L3MBTL4: variants seen among roughly 807,000 people sequenced by gnomAD.
L3MBTL4 encodes the protein lethal(3)malignant brain tumor-like protein 4.
A neutral mutation model predicts 84.5 loss-of-function variants in L3MBTL4; 70 were observed. That is an observed-to-expected ratio of 0.83 (90% CI 0.68 to 1.01). The LOEUF (loss-of-function observed/expected upper bound fraction) is 1.01, where lower values mean the gene tolerates loss of function less well. Ranked by LOEUF, L3MBTL4 falls within the 50% of genes least tolerant of loss-of-function variation. The pLI is 0.00. For synonymous variants in L3MBTL4, 274 were observed against 259.8 expected, an observed-to-expected ratio of 1.05 and a Z score of -0.52; for missense variants, 715 against 754.8, an observed-to-expected ratio of 0.95 and a Z score of 0.62.
At chr18:6,345,794 G>A (rs1022520563) in intron 1 of L3MBTL4, among the ~76,000 whole-genome samples, 5 of 151,824 alleles carry the variant, frequency 3.3e-5, no homozygotes, top group African/African-American at 9.7e-5. Flanking sequence ...AAATTCCAAT[G>A]GCATTTTTCA....
intron 16 of L3MBTL4, among the ~76,000 whole-genome samples, chr18:6,014,086 C>T (rs933425815): frequency 4.6e-5 from 7 of 152,124 alleles, no homozygotes; most frequent in African/African-American, 1.2e-4. Context: ...CTCTGGGCCT[C>T]GATTTTCTCT....
chr18:6,021,031 C>T (rs567485333), intron 16 of L3MBTL4, among the ~76,000 whole-genome samples: 224 of 152,176 alleles, frequency 1.5e-3, no homozygotes, highest in African/African-American at 5.2e-3. Context: ...GAAGGAAAGG[C>T]CAGATGGGAG....
chr18:6,263,234 A>G (rs1378737180), intron 5 of L3MBTL4, among the ~76,000 whole-genome samples: 1 of 146,650 alleles, frequency 6.8e-6, no homozygotes, highest in Non-Finnish European at 1.5e-5. Context: ...ATGCCACTAC[A>G]CTCCAGCCTG....
At chr18:6,391,375 T>C (rs747783141) in intron 1 of L3MBTL4, among the ~76,000 whole-genome samples, 1 of 152,066 alleles carries the variant, frequency 6.6e-6, no homozygotes, top group Non-Finnish European at 1.5e-5. Flanking sequence ...ACAGGCAATA[T>C]CACACTGAAT....
At chr18:6,207,283 A>G (rs536894656) in intron 12 of L3MBTL4, among the ~76,000 whole-genome samples, 1 of 152,342 alleles carries the variant, frequency 6.6e-6, no homozygotes, top group South Asian at 2.1e-4. Context: ...CAAAAAAGGC[A>G]CTGCCACCTG....
At chr18:6,031,268 C>T (rs1451960875) in intron 16 of L3MBTL4, 1 of 985,320 alleles carries the variant, frequency 1.0e-6, no homozygotes, top group Non-Finnish European at 1.2e-6. Context: ...CTAATAAGCA[C>T]AGCAGAATGG....
intron 12 of L3MBTL4, among the ~76,000 whole-genome samples, chr18:6,211,105 A>T (rs893882910): frequency 6.6e-6 from 1 of 152,254 alleles, no homozygotes; most frequent in African/African-American, 2.4e-5. Flanking sequence ...CCAAGTTACC[A>T]CACAGTCAAA....
intron 1 of L3MBTL4, among the ~76,000 whole-genome samples, chr18:6,401,683 A>G (rs2055517052): frequency 6.6e-6 from 1 of 152,242 alleles, no homozygotes; most frequent in Non-Finnish European, 1.5e-5. Flanking sequence ...GGTGAGAGTC[A>G]ATAGGAAAAG....
intron 10 of L3MBTL4, among the ~76,000 whole-genome samples, chr18:6,233,949 G>C (rs2047104934): frequency 1.3e-5 from 2 of 152,116 alleles, no homozygotes; most frequent in African/African-American, 2.4e-5. Flanking sequence ...TAACAGCATG[G>C]TACTGGTACC....
At chr18:6,310,975 A>G (rs1465225276) in intron 3 of L3MBTL4, among the ~76,000 whole-genome samples, 1 of 152,162 alleles carries the variant, frequency 6.6e-6, no homozygotes, top group Non-Finnish European at 1.5e-5. Flanking sequence ...CCAAGGAAGA[A>G]GGAATTCTGC....
At chr18:6,377,185 A>G (rs2054403025) in intron 1 of L3MBTL4, among the ~76,000 whole-genome samples, 1 of 152,168 alleles carries the variant, frequency 6.6e-6, no homozygotes, top group African/African-American at 2.4e-5. Context: ...AAATTCATCC[A>G]TTCACATACT....
chr18:6,207,951 A>C (rs2045941335), intron 12 of L3MBTL4, among the ~76,000 whole-genome samples: 2 of 151,814 alleles, frequency 1.3e-5, no homozygotes. Flanking sequence ...CAAAGAAAAA[A>C]AAAATTAACA....
chr18:6,317,246 G>A (rs1258760393), intron 1 of L3MBTL4, among the ~76,000 whole-genome samples: 1 of 151,886 alleles, frequency 6.6e-6, no homozygotes, highest in East Asian at 1.9e-4. Flanking sequence ...CTATAAACAT[G>A]TAAGTCACAT....
intron 7 of L3MBTL4, among the ~76,000 whole-genome samples, chr18:6,242,695 TGCTGTGCAAAGATATGAGCCCGTCA>T (rs1167146785): frequency 6.6e-6 from 1 of 152,222 alleles, no homozygotes. Context: ...TACAGAAGTT[TGCTGTGCAAAGATATGAGCCCGTCA>T]GCATCATCCT....
chr18:6,377,280 G>A (rs187002408), intron 1 of L3MBTL4, among the ~76,000 whole-genome samples: 7 of 152,162 alleles, frequency 4.6e-5, no homozygotes, highest in East Asian at 1.9e-4. Flanking sequence ...TCTCCTGGCC[G>A]TGTCCACTTT....
intron 16 of L3MBTL4, among the ~76,000 whole-genome samples, chr18:6,005,685 C>T (rs1332481797): frequency 2.0e-5 from 3 of 152,050 alleles, no homozygotes; most frequent in African/African-American, 7.2e-5. Flanking sequence ...TTTTTACGGC[C>T]ATGTAGTATT....
chr18:6,018,851 A>G (rs1335337266), intron 16 of L3MBTL4, among the ~76,000 whole-genome samples: 3 of 152,236 alleles, frequency 2.0e-5, no homozygotes, highest in Non-Finnish European at 2.9e-5. Flanking sequence ...GGATTCCAGC[A>G]AAGATGCCTG....
intron 1 of L3MBTL4, chr18:6,395,469 G>A (rs2055232754): frequency 6.6e-6 from 1 of 152,206 alleles, no homozygotes; most frequent in Non-Finnish European, 1.5e-5. Context: ...ACAAGAGGAA[G>A]GGAAACTTTC....
chr18:6,119,783 T>A (rs1212789476), intron 14 of L3MBTL4, among the ~76,000 whole-genome samples: 1 of 152,150 alleles, frequency 6.6e-6, no homozygotes, highest in East Asian at 1.9e-4. Context: ...GCAAGACCTG[T>A]TGTCTCATAG....
Sources: allele counts gnomAD v4.1 joint callset (sites outside exome capture counted in the v4.1 genomes callset), GRCh38; gene constraint gnomAD v4.1.1; transcripts MANE v1.5; gene names NCBI Gene and HGNC (gene_info 2026-07-23, HGNC 2026-07-21).